The following ZBTB20 variants were observed in gnomAD, a reference collection of about 807,000 sequenced individuals.
ZBTB20 encodes the protein zinc finger and BTB domain containing 20, also known as zinc finger and BTB domain-containing protein 20.
In ZBTB20, 9 loss-of-function variants were observed where a neutral mutation model predicts 56.9. The observed-to-expected ratio is 0.16, with a 90% CI of 0.10 to 0.28. The LOEUF (loss-of-function observed/expected upper bound fraction) is 0.28. Among genes scored for constraint, ZBTB20 ranks in the 10% least tolerant of loss-of-function variants. ZBTB20 has a pLI of 1.00. For missense variants in ZBTB20, 655 were observed against 1,003.0 expected, an observed-to-expected ratio of 0.65 and a Z score of 4.69; for synonymous variants, 417 against 420.7, an observed-to-expected ratio of 0.99 and a Z score of 0.11.
At chr3:114,899,710 T>G (rs1314114902) in intron 4 of ZBTB20, among the ~76,000 whole-genome samples, 2 of 152,134 alleles carry the variant, frequency 1.3e-5, no homozygotes, top group African/African-American at 2.4e-5. Context: ...TTCTCTGTGC[T>G]CTCACTCATA....
chr3:114,494,559 G>A (rs1334937383), intron 7 of ZBTB20, among the ~76,000 whole-genome samples: 2 of 152,192 alleles, frequency 1.3e-5, no homozygotes, highest in Non-Finnish European at 2.9e-5. Context: ...TATCCCATTG[G>A]TGGGAAAGCC....
intron 2 of ZBTB20, among the ~76,000 whole-genome samples, chr3:115,043,403 T>TAA (rs781129655): frequency 2.4e-5 from 3 of 126,230 alleles, no homozygotes; most frequent in Admixed American, 8.0e-5. Flanking sequence ...TACTAAAAAC[T>TAA]AAAAAAAAAA....
In ZBTB20 at chr3:114,915,091, C is replaced by T. The variant is rs768344739; in HGVS notation, c.-455-14749G>A. Among the ~76,000 whole-genome samples, 6 of 151,682 alleles carry T rather than the reference C, an allele frequency of 4.0e-5. No homozygotes were observed. The South Asian group carries it at 6.2e-4, about 16-fold the overall frequency. Reference sequence around the variant, plus strand: ...TGGTATTAGGATGATACTGGCCTCACAGAAGATGGACACATTCCCTCCTCT... The same window carrying T: ...TGGTATTAGGATGATACTGGCCTCATAGAAGATGGACACATTCCCTCCTCT... On this transcript the variant is annotated intron_variant, in intron 3 of 11. Coordinates refer to ENST00000675478, the MANE Select transcript of ZBTB20 (RefSeq NM_001348800.3).
chr3:114,864,910 C>T (rs2107509176), intron 4 of ZBTB20, among the ~76,000 whole-genome samples: 1 of 151,918 alleles, frequency 6.6e-6, no homozygotes, highest in Admixed American at 6.6e-5. Flanking sequence ...TATGTTTCCC[C>T]TTTACGGCTG....
chr3:114,729,712 T>C (rs146669169), intron 5 of ZBTB20, among the ~76,000 whole-genome samples: 144 of 152,230 alleles, frequency 9.5e-4, no homozygotes, highest in African/African-American at 3.4e-3. Context: ...TGAAAGAAAA[T>C]TGCTTTATAT....
chr3:114,446,924 CT>C (rs1404554965), intron 7 of ZBTB20, among the ~76,000 whole-genome samples: 1 of 152,156 alleles, frequency 6.6e-6, no homozygotes, highest in African/African-American at 2.4e-5. Context: ...TCAGTAATAT[CT>C]CCAATCTGTG....
chr3:114,736,830 C>T (rs560229306), intron 5 of ZBTB20, among the ~76,000 whole-genome samples: 1 of 152,078 alleles, frequency 6.6e-6, no homozygotes, highest in Non-Finnish European at 1.5e-5. Flanking sequence ...TTATGAACAG[C>T]CTCTGAAGAC....
intron 2 of ZBTB20, among the ~76,000 whole-genome samples, chr3:114,994,891 T>C (rs1408671816): frequency 2.6e-5 from 4 of 151,920 alleles, no homozygotes; most frequent in Admixed American, 1.3e-4. Flanking sequence ...AGATGTTGAA[T>C]ATTGCTACGT....
At chr3:115,097,285 T>A (rs2083413865) in intron 1 of ZBTB20, among the ~76,000 whole-genome samples, 1 of 152,000 alleles carries the variant, frequency 6.6e-6, no homozygotes, top group Admixed American at 6.6e-5. Flanking sequence ...TTCAAGGGAT[T>A]CTCCTGCCTC....
At chr3:114,574,359 T>C (rs1234060029) in intron 6 of ZBTB20, among the ~76,000 whole-genome samples, 2 of 152,188 alleles carry the variant, frequency 1.3e-5, no homozygotes, top group Admixed American at 1.3e-4. Flanking sequence ...GATAACATAA[T>C]GCTACATTAC....
chr3:114,811,730 C>T (rs1393635572), intron 4 of ZBTB20, among the ~76,000 whole-genome samples: 2 of 151,884 alleles, frequency 1.3e-5, no homozygotes, highest in Non-Finnish European at 1.5e-5. Context: ...GTAAAGATTA[C>T]TGTTTCTGTC....
At chr3:115,059,794 A>T (rs2081951685) in intron 2 of ZBTB20, among the ~76,000 whole-genome samples, 1 of 152,176 alleles carries the variant, frequency 6.6e-6, no homozygotes, top group Non-Finnish European at 1.5e-5. Context: ...CAAGCATAAA[A>T]TTTTTTCTAT....
chr3:114,533,327 G>A (rs539697208), intron 6 of ZBTB20, among the ~76,000 whole-genome samples: 14 of 152,004 alleles, frequency 9.2e-5, no homozygotes, highest in African/African-American at 3.1e-4. Context: ...AACATAGCAC[G>A]AGAAGTTCAT....
intron 6 of ZBTB20, chr3:114,518,514 A>C (rs1273398036): frequency 1.3e-5 from 2 of 152,214 alleles, no homozygotes; most frequent in East Asian, 1.9e-4. Context: ...CTTGGCCCTC[A>C]GTTGGCTTGA....
chr3:114,829,403 T>C (rs941283866), intron 4 of ZBTB20, among the ~76,000 whole-genome samples: 1 of 151,864 alleles, frequency 6.6e-6, no homozygotes, highest in African/African-American at 2.4e-5. Context: ...TGCCAGCTGA[T>C]AGGAAAAAAG....
intron 6 of ZBTB20, among the ~76,000 whole-genome samples, chr3:114,543,345 G>A (rs1193612567): frequency 1.3e-5 from 2 of 152,052 alleles, no homozygotes; most frequent in Non-Finnish European, 2.9e-5. Flanking sequence ...AGGGCTAACT[G>A]TATAACCAAT....
chr3:114,481,303 T>C (rs770720382), intron 7 of ZBTB20, among the ~76,000 whole-genome samples: 1 of 150,544 alleles, frequency 6.6e-6, no homozygotes, highest in Non-Finnish European at 1.5e-5. Context: ...AAGCTGCTGA[T>C]GCTACTCAAC....
At chr3:114,807,938 G>A (rs1371412222) in intron 4 of ZBTB20, among the ~76,000 whole-genome samples, 1 of 151,994 alleles carries the variant, frequency 6.6e-6, no homozygotes, top group Non-Finnish European at 1.5e-5. Flanking sequence ...GAGGGAATCT[G>A]GTCTGCAGTT....
rs139649135 is a variant in ZBTB20 at position 114,346,990 on chromosome 3, A to T, written c.1804+3284T>A. On this transcript the variant is annotated intron_variant, in intron 11 of 11. Coordinates refer to ENST00000675478, the MANE Select transcript of ZBTB20 (RefSeq NM_001348800.3). The stretch of plus-strand genomic sequence containing the variant: ...CGTGAGCCACCATGCCTGGCCCCAA[A>T]CACTTTCTTTCATGAATGTGGATCA... 3.9e-3 allele frequency among the ~76,000 whole-genome samples: 591 copies of T among 151,250 alleles called. 2 individuals carry two copies. Among genetic ancestry groups the T allele is most frequent in the African/African-American group, 0.014 (566 of 41,238 alleles).
Sources: allele counts gnomAD v4.1 joint callset (sites outside exome capture counted in the v4.1 genomes callset), GRCh38; gene constraint gnomAD v4.1.1; transcripts MANE v1.5; gene names NCBI Gene and HGNC (gene_info 2026-07-23, HGNC 2026-07-21).